Variants in HSD17B4 observed in about 807,000 individuals in gnomAD.
The protein encoded by HSD17B4 is hydroxysteroid 17-beta dehydrogenase 4.
A neutral mutation model predicts 101.0 loss-of-function variants in HSD17B4; 70 were observed. That is an observed-to-expected ratio of 0.69 (90% CI 0.57 to 0.85). The LOEUF is 0.85. Among genes scored for constraint, HSD17B4 ranks in the 40% least tolerant of loss-of-function variants. The pLI, the probability that HSD17B4 is intolerant of heterozygous loss-of-function variation, is 0.00. For missense variants in HSD17B4, 984 were observed against 892.4 expected (o/e 1.10, Z -1.31); for synonymous variants, 347 against 297.1 (o/e 1.17, Z -1.73).
At chr5:119,456,888 G>T (rs941844309) in intron 2 of HSD17B4, among the ~76,000 whole-genome samples, 1 of 152,196 alleles carries the variant, frequency 6.6e-6, no homozygotes, top group African/African-American at 2.4e-5. Context: ...TAAGTGTATT[G>T]ATAAAAGTAA....
At chr5:119,492,449 G>A (rs576192950) in intron 10 of HSD17B4, 55 of 278,144 alleles carry the variant, frequency 2.0e-4, no homozygotes, top group Admixed American at 7.4e-4. Flanking sequence ...CCACATGCTC[G>A]TTCTTGCTGT....
chr5:119,514,839 G>A, intron 16 of HSD17B4, 142 bp from the exon 17 acceptor site: 3 of 645,276 alleles, frequency 4.6e-6, no homozygotes, highest in Non-Finnish European at 8.5e-6. Context: ...ATTATTTCCT[G>A]AGCATGATTT....
At chr5:119,490,502 A>G (rs550189176) in intron 9 of HSD17B4, among the ~76,000 whole-genome samples, 7 of 152,314 alleles carry the variant, frequency 4.6e-5, no homozygotes, top group African/African-American at 1.7e-4. Context: ...CTATCCAGAG[A>G]GAACTAGTAT....
intron 1 of HSD17B4, among the ~76,000 whole-genome samples, chr5:119,455,039 A>G (rs1218942234): frequency 1.3e-5 from 2 of 152,238 alleles, no homozygotes; most frequent in Non-Finnish European, 1.5e-5. Flanking sequence ...TTGTCAATGA[A>G]ATTTATCAAT....
At chr5:119,477,337 A>C (rs1255045512) in intron 6 of HSD17B4, 80 bp from the exon 7 acceptor site, 1 of 957,778 alleles carries the variant, frequency 1.0e-6, no homozygotes, top group Non-Finnish European at 1.6e-6. Flanking sequence ...TCTTTGTATA[A>C]ATACAACATT....
At chr5:119,533,332 G>A (rs1266739154) in intron 22 of HSD17B4, among the ~76,000 whole-genome samples, 2 of 150,328 alleles carry the variant, frequency 1.3e-5, no homozygotes, top group Non-Finnish European at 3.0e-5. Flanking sequence ...TTTACAGGCT[G>A]TGTGTCAGGA....
intron 8 of HSD17B4, chr5:119,487,157 C>T (rs138640964): frequency 2.6e-5 from 4 of 151,934 alleles, no homozygotes; most frequent in South Asian, 2.1e-4. Context: ...TCTCTGAGTA[C>T]CTAGGTATCA....
At chr5:119,470,216 G>A (rs746727324) in intron 2 of HSD17B4, among the ~76,000 whole-genome samples, 1 of 151,914 alleles carries the variant, frequency 6.6e-6, no homozygotes, top group Non-Finnish European at 1.5e-5. Flanking sequence ...GGAGTGTAGG[G>A]TGCTGCATGG....
chr5:119,495,377 T>C (rs963106469), intron 11 of HSD17B4, among the ~76,000 whole-genome samples: 1 of 152,228 alleles, frequency 6.6e-6, no homozygotes. Context: ...GCACAATTTT[T>C]AAAAAATGAT....
intron 23 of HSD17B4, among the ~76,000 whole-genome samples, 188 bp downstream of exon 23, chr5:119,536,738 C>T (rs1319127206): frequency 6.6e-6 from 1 of 152,090 alleles, no homozygotes. Flanking sequence ...TTTCACCTGA[C>T]ACTTTTTAAG....
chr5:119,525,839 A>G lies in HSD17B4; in HGVS notation c.1574-78A>G, dbSNP rs1580697223. 4.8e-6 allele frequency: 4 copies of G among 837,426 alleles called. No homozygotes were observed. In the East Asian group the frequency reaches 9.7e-5, roughly 20 times the overall value. 51.9% of individuals were successfully genotyped at this position (837,426 alleles called of 1,614,324 possible). On this transcript the variant is annotated intron_variant, in intron 18 of 23. Coordinates refer to ENST00000510025, the MANE Select transcript of HSD17B4 (RefSeq NM_000414.4). ...GCTAATGCAGTCTAAGGACATTTTT[A>G]AAGTCCTGAATTAACTACACTTGAT...
intron 1 of HSD17B4, chr5:119,452,874 TGAGAG>T: frequency 6.5e-7 from 1 of 1,534,526 alleles, no homozygotes; most frequent in Non-Finnish European, 8.7e-7. Context: ...AGGTCCTGCC[TGAGAG>T]GAGAGGCCAG....
intron 8 of HSD17B4, among the ~76,000 whole-genome samples, chr5:119,487,988 T>G (rs1749759360): frequency 6.6e-6 from 1 of 152,126 alleles, no homozygotes; most frequent in Non-Finnish European, 1.5e-5. Flanking sequence ...GTGAAGAGTT[T>G]TTGCAACTAC....
intron 2 of HSD17B4, among the ~76,000 whole-genome samples, chr5:119,463,159 A>G (rs551301748): frequency 6.6e-6 from 1 of 152,214 alleles, no homozygotes; most frequent in Non-Finnish European, 1.5e-5. Flanking sequence ...CTCCAGGCTC[A>G]TCCATGTTGC....
chr5:119,542,277 G>T lies in HSD17B4; in HGVS notation c.*283G>T. The T allele has an allele frequency of 3.8e-6, 1 of 265,492 alleles. No individual in the cohort carries two copies. Among genetic ancestry groups the T allele is most frequent in the South Asian group, 6.0e-5 (1 of 16,744 alleles). 16.4% of individuals were successfully genotyped at this position (265,492 alleles called of 1,614,324 possible). A position where few individuals can be genotyped will look rare whatever the true frequency, so the allele number is the denominator to read the frequency against. ...CAAGTCCTGTTTCCTTAGAATTTGT[G>T]ATAGCATTGATAAGTTGAAAGGAAA... is the stretch of plus-strand genomic sequence containing the variant. On this transcript the variant is annotated 3_prime_UTR_variant, in exon 24 of 24. Coordinates refer to ENST00000510025, the MANE Select transcript of HSD17B4 (RefSeq NM_000414.4).
chr5:119,454,868 C>T (rs1313105813), intron 1 of HSD17B4, among the ~76,000 whole-genome samples: 2 of 152,110 alleles, frequency 1.3e-5, no homozygotes, highest in African/African-American at 2.4e-5. Context: ...ATGATCCGCC[C>T]ACCTCTGTCT....
intron 15 of HSD17B4, among the ~76,000 whole-genome samples, chr5:119,507,916 A>T (rs1171656628): frequency 2.0e-5 from 3 of 152,152 alleles, no homozygotes; most frequent in Non-Finnish European, 4.4e-5. Context: ...TTTGGAACCC[A>T]AGAACAGTAT....
At chr5:119,497,078 G>C (rs549841782) in intron 12 of HSD17B4, among the ~76,000 whole-genome samples, 1 of 152,268 alleles carries the variant, frequency 6.6e-6, no homozygotes, top group Non-Finnish European at 1.5e-5. Flanking sequence ...CCTAGTAGCC[G>C]AGTGGGGCTT....
Position 119,492,082 on chromosome 5 carries a change from T to TC in HSD17B4, c.715-13dup. Reference sequence around the variant, plus strand: ...TTTCACATTAGATGGTATAATGTTTTCCCCCTCTTTTTGGTAGGTTGGAGC... The same window carrying TC: ...TTTCACATTAGATGGTATAATGTTTTCCCCCCTCTTTTTGGTAGGTTGGAGC... On this transcript the variant is annotated splice_polypyrimidine_tract_variant and intron_variant, in intron 9 of 23. Coordinates refer to ENST00000510025, the MANE Select transcript of HSD17B4 (RefSeq NM_000414.4). 2 of 1,602,384 alleles carry TC rather than the reference T, an allele frequency of 1.2e-6. No homozygotes were observed. The highest frequency in any genetic ancestry group is 1.7e-6 in the Non-Finnish European group (2 of 1,169,624).
Sources: gnomAD v4.1 joint callset for allele counts (sites outside exome capture counted in the v4.1 genomes callset) on GRCh38, gnomAD v4.1.1 for gene constraint, MANE v1.5 for transcripts, NCBI Gene and HGNC (gene_info 2026-07-23, HGNC 2026-07-21) for gene names.